PRSS12: variants seen among roughly 807,000 people sequenced by gnomAD.
PRSS12 encodes the protein serine protease 12, also known as neurotrypsin.
Under a neutral mutation model 104.4 loss-of-function variants are expected in PRSS12, and 85 were observed. The observed-to-expected ratio is 0.81, with a 90% confidence interval of 0.68 to 0.98. PRSS12 has a LOEUF of 0.98. PRSS12 is among the 50% of genes least tolerant of loss of function. The probability of loss-of-function intolerance (pLI) is 0.00; values close to 1 mark genes in which losing one functional copy is unlikely to be tolerated. For missense variants in PRSS12, 1,141 were observed against 1,139.2 expected, an observed-to-expected ratio of 1.00 and a Z score of -0.02; for synonymous variants, 454 against 425.2, an observed-to-expected ratio of 1.07 and a Z score of -0.83.
intron 1 of PRSS12, among the ~76,000 whole-genome samples, chr4:118,340,883 G>A (rs776948631): frequency 1.3e-4 from 20 of 152,210 alleles, no homozygotes; most frequent in African/African-American, 4.8e-4. Flanking sequence ...AATAGACTGA[G>A]TGGGGAAACC....
intron 3 of PRSS12, among the ~76,000 whole-genome samples, chr4:118,334,900 C>T (rs1352078932): frequency 6.6e-6 from 1 of 152,156 alleles, no homozygotes; most frequent in Non-Finnish European, 1.5e-5. Flanking sequence ...GTTGTTCCTT[C>T]CTCTACTTCC....
chr4:118,312,869 GA>G, intron 7 of PRSS12: 1 of 320,868 alleles, frequency 3.1e-6, no homozygotes, highest in South Asian at 3.0e-5. Context: ...CAAGGTAAAT[GA>G]AAATCAGAAT....
chr4:118,320,036 T>C (rs911433244), intron 4 of PRSS12, among the ~76,000 whole-genome samples: 2 of 152,184 alleles, frequency 1.3e-5, no homozygotes, highest in African/African-American at 4.8e-5. Flanking sequence ...GTTAATTTAC[T>C]TCTCCCACAA....
intron 5 of PRSS12, among the ~76,000 whole-genome samples, chr4:118,316,823 CG>C (rs1162878279): frequency 6.0e-5 from 1 of 16,786 alleles, no homozygotes; most frequent in African/African-American, 9.4e-5. Flanking sequence ...CTCCGTCTCA[CG>C]GAAAAAAAAA....
chr4:118,338,945 GA>G (rs776828708), intron 1 of PRSS12, among the ~76,000 whole-genome samples: 1 of 151,958 alleles, frequency 6.6e-6, no homozygotes, highest in Non-Finnish European at 1.5e-5. Context: ...GCTAGTCTTG[GA>G]AAAATAGCCA....
rs1269500180 is a variant in PRSS12, at chr4:118,293,560, A to G, written c.2039+1379T>C. Among the ~76,000 whole-genome samples the G allele has an allele frequency of 5.3e-5, 8 of 152,232 alleles. No homozygotes were observed. The South Asian group carries it at 1.4e-3, about 28-fold the overall frequency. ...ACAACAAAGACTTAGCACACAGAAC[A>G]TATCCAAAAATTTAAAAAATCAATT... is the stretch of plus-strand genomic sequence containing the variant. On this transcript the variant is annotated intron_variant, in intron 11 of 12. Coordinates refer to ENST00000296498, the MANE Select transcript of PRSS12 (RefSeq NM_003619.4).
intron 6 of PRSS12, 94 bp from the exon 7 acceptor site, chr4:118,313,491 A>T: frequency 7.7e-7 from 1 of 1,305,242 alleles, no homozygotes; most frequent in East Asian, 2.4e-5. Flanking sequence ...GTTCAGTGAC[A>T]TGACTTCAGA....
intron 6 of PRSS12, among the ~76,000 whole-genome samples, chr4:118,315,020 C>A (rs997591165): frequency 1.2e-4 from 19 of 152,044 alleles, no homozygotes; most frequent in Non-Finnish European, 2.4e-4. Context: ...GCTGTCATAT[C>A]ATACCCTTTT....
At chr4:118,318,357 C>T (rs373999114) in intron 5 of PRSS12, 21 bp downstream of exon 5, 2 of 1,613,170 alleles carry the variant, frequency 1.2e-6, no homozygotes, top group Non-Finnish European at 1.7e-6. Context: ...AACTGGTACA[C>T]TAATGGAGTG....
Position 118,280,807 on chromosome 4 carries a change from A to AT in PRSS12, c.*1128dup, listed in dbSNP as rs1365313779. On this transcript the variant is annotated 3_prime_UTR_variant, in exon 13 of 13. Transcript: ENST00000296498. ...GAGAACCATGGGGAAAAAAATCAGC[A>AT]TTTTTTCTGGAGTTTGGAATCAGTT... The AT allele has an allele frequency of 6.6e-6, 1 of 152,040 alleles. No individual in the cohort carries two copies. The highest frequency in any genetic ancestry group is 6.6e-5 in the Admixed American group (1 of 15,256). The allele number at this position is 152,040 out of a possible 1,614,324, so 9.4% of individuals were successfully genotyped here. A position where few individuals can be genotyped will look rare whatever the true frequency, so the allele number is the denominator to read the frequency against.
At chr4:118,313,450 G>A in intron 6 of PRSS12, 53 bp from the exon 7 acceptor site, 1 of 1,580,008 alleles carries the variant, frequency 6.3e-7, no homozygotes, top group Non-Finnish European at 8.7e-7. Context: ...TTGGTTCAGG[G>A]AACCACAAAA....
At chr4:118,298,647 G>T (rs1743313923) in intron 9 of PRSS12, 86 bp downstream of exon 9, 1 of 1,301,058 alleles carries the variant, frequency 7.7e-7, no homozygotes, top group African/African-American at 1.5e-5. Context: ...TGTTGTACTA[G>T]ATTTCTGTTA....
intron 3 of PRSS12, 137 bp from the exon 4 acceptor site, chr4:118,332,003 G>A (rs534481106): frequency 5.4e-5 from 54 of 1,003,918 alleles, no homozygotes; most frequent in Admixed American, 1.5e-4. Context: ...ATGGACATAC[G>A]TATATATATC....
chr4:118,299,327 T>C (rs767963980), intron 8 of PRSS12, among the ~76,000 whole-genome samples: 1 of 152,186 alleles, frequency 6.6e-6, no homozygotes, highest in African/African-American at 2.4e-5. Context: ...AACAATGAGA[T>C]TAAATAATAA....
chr4:118,340,324 C>T (rs1724169454), intron 1 of PRSS12, among the ~76,000 whole-genome samples: 1 of 152,148 alleles, frequency 6.6e-6, no homozygotes, highest in Non-Finnish European at 1.5e-5. Context: ...TTTCCTTTAA[C>T]AAATGAAGAC....
chr4:118,322,428 C>A (rs115822103), intron 4 of PRSS12, among the ~76,000 whole-genome samples: 2,751 of 152,026 alleles, frequency 0.018, 41 homozygotes, highest in South Asian at 0.054. Context: ...TGTCTGTAAT[C>A]CCTGCTACTT....
At chr4:118,297,594 A>G (rs749473183) in intron 9 of PRSS12, among the ~76,000 whole-genome samples, 1 of 152,014 alleles carries the variant, frequency 6.6e-6, no homozygotes, top group Non-Finnish European at 1.5e-5. Flanking sequence ...TCACAATCAG[A>G]AGCCCCTCAG....
intron 7 of PRSS12, among the ~76,000 whole-genome samples, chr4:118,311,106 A>C (rs1199609425): frequency 6.6e-6 from 1 of 152,162 alleles, no homozygotes; most frequent in East Asian, 1.9e-4. Context: ...TGTAAAATTG[A>C]GTAAGAGGCA....
chr4:118,302,174 G>A (rs771328662), intron 8 of PRSS12, among the ~76,000 whole-genome samples: 2 of 152,098 alleles, frequency 1.3e-5, no homozygotes, highest in African/African-American at 2.4e-5. Flanking sequence ...TTAATTGAAT[G>A]TCTCAGTTTG....
Sources: gnomAD v4.1 joint callset for allele counts (sites outside exome capture counted in the v4.1 genomes callset) on GRCh38, gnomAD v4.1.1 for gene constraint, MANE v1.5 for transcripts, NCBI Gene and HGNC (gene_info 2026-07-23, HGNC 2026-07-21) for gene names.